The following MALRD1 variants were observed in gnomAD, a reference collection of about 807,000 sequenced individuals.
MALRD1 encodes the protein MAM and LDL-receptor class A domain-containing protein 1.
Under a neutral mutation model 242.1 loss-of-function variants are expected in MALRD1, and 247 were observed. The observed-to-expected ratio is 1.02, with a 90% confidence interval of 0.92 to 1.13. The LOEUF (loss-of-function observed/expected upper bound fraction) is 1.13, where lower values mean the gene tolerates loss of function less well. MALRD1 is among the 50% of genes most tolerant of loss of function. MALRD1 has a pLI of 0.00. For missense variants in MALRD1, 2,989 were observed against 2,533.1 expected (o/e 1.18, Z -3.86); for synonymous variants, 995 against 866.6 (o/e 1.15, Z -2.60).
intron 18 of MALRD1, among the ~76,000 whole-genome samples, chr10:19,228,359 G>A (rs565997847): frequency 3.9e-5 from 6 of 152,282 alleles, no homozygotes; most frequent in African/African-American, 1.2e-4. Flanking sequence ...AGAAACAGAA[G>A]CAGATTAGTG....
rs1014784961 is a variant in MALRD1 at position 19,485,660 on chromosome 10, T to A, written c.5030-5857T>A. Among the ~76,000 whole-genome samples the A allele has an allele frequency of 3.1e-3, 395 of 125,726 alleles. 3 individuals carry two copies. The highest frequency in any genetic ancestry group is 0.011 in the African/African-American group (363 of 34,282). 82.5% of individuals were successfully genotyped at this position (125,726 alleles called of 152,430 possible). ...TCCGTCTCAATTAAAAAAAAAAAAA[T>A]AGTAATAATAATAAAATAGATCAGT... On this transcript the variant is annotated intron_variant, in intron 29 of 39. Transcript: ENST00000454679.
intron 14 of MALRD1, among the ~76,000 whole-genome samples, chr10:19,196,582 T>A (rs10827044): frequency 0.17 from 25,071 of 151,020 alleles, 2,274 homozygotes; most frequent in Non-Finnish European, 0.2. Flanking sequence ...TTTTTGTCAC[T>A]TAGATAATTT....
intron 19 of MALRD1, among the ~76,000 whole-genome samples, chr10:19,264,732 C>T (rs1839905560): frequency 6.6e-6 from 1 of 152,134 alleles, no homozygotes; most frequent in Non-Finnish European, 1.5e-5. Context: ...GGATTACAGG[C>T]GTGAGCCACC....
In MALRD1 at chr10:19,363,183, C is replaced by T. The variant is rs896472912; in HGVS notation, c.4441+10886C>T. 3.3e-5 allele frequency among the ~76,000 whole-genome samples: 5 copies of T among 151,966 alleles called. No individual in the cohort carries two copies. The East Asian group carries it at 9.6e-4, about 29-fold the overall frequency. On this transcript the variant is annotated intron_variant, in intron 26 of 39. Transcript: ENST00000454679. ...GAGTTGTCAGAATTAAAGTCATATG[C>T]ATATAAAATCATCAAAGAATGAATA...
intron 38 of MALRD1, among the ~76,000 whole-genome samples, chr10:19,712,993 T>G (rs1834209951): frequency 6.6e-6 from 1 of 152,060 alleles, no homozygotes; most frequent in Admixed American, 6.6e-5. Context: ...TCCATTATAC[T>G]CCAATGTTTT....
chr10:19,206,207 T>C (rs563027612), intron 17 of MALRD1, among the ~76,000 whole-genome samples: 1 of 152,176 alleles, frequency 6.6e-6, no homozygotes, highest in East Asian at 1.9e-4. Context: ...TACTACATCA[T>C]AGAAAACATT....
chr10:19,636,223 T>C (rs1367813149), intron 36 of MALRD1, among the ~76,000 whole-genome samples: 1 of 152,106 alleles, frequency 6.6e-6, no homozygotes, highest in African/African-American at 2.4e-5. Flanking sequence ...CAAACTAGAA[T>C]TTCATACCCA....
At chr10:19,137,621 A>C (rs10826988) in intron 10 of MALRD1, among the ~76,000 whole-genome samples, 47,480 of 148,112 alleles carry the variant, frequency 0.32, 8,149 homozygotes, top group South Asian at 0.6. Context: ...AAAAAAAAAA[A>C]AAAAAAAAAA....
At chr10:19,113,996 G>A (rs1836784152) in intron 5 of MALRD1, among the ~76,000 whole-genome samples, 1 of 152,124 alleles carries the variant, frequency 6.6e-6, no homozygotes, top group Admixed American at 6.5e-5. Context: ...AACATGTGCA[G>A]TTATTCAAAT....
chr10:19,369,503 C>T (rs931105759), intron 26 of MALRD1, among the ~76,000 whole-genome samples: 28 of 146,896 alleles, frequency 1.9e-4, no homozygotes, highest in Admixed American at 3.4e-4. Context: ...TCATTGTGTG[C>T]GTTTATATAT....
chr10:19,237,347 A>G (rs1443338909), intron 18 of MALRD1, among the ~76,000 whole-genome samples: 1 of 144,758 alleles, frequency 6.9e-6, no homozygotes, highest in East Asian at 2.0e-4. Context: ...CTCTATTAAC[A>G]TTTTTTTTTT....
intron 31 of MALRD1, among the ~76,000 whole-genome samples, chr10:19,501,916 C>G (rs1837990145): frequency 6.6e-6 from 1 of 150,896 alleles, no homozygotes; most frequent in African/African-American, 2.4e-5. Flanking sequence ...GTTGTCCCCA[C>G]TACTCGGGAG....
chr10:19,140,857 G>A (rs977041336), intron 10 of MALRD1, among the ~76,000 whole-genome samples: 3 of 152,032 alleles, frequency 2.0e-5, no homozygotes, highest in African/African-American at 7.2e-5. Context: ...TAAGTTCTGG[G>A]AGTCTAGTGT....
intron 35 of MALRD1, among the ~76,000 whole-genome samples, chr10:19,614,274 C>T (rs971450267): frequency 1.3e-5 from 2 of 152,000 alleles, no homozygotes; most frequent in African/African-American, 2.4e-5. Context: ...AACTGGGCTC[C>T]TGTGCCCTCA....
At chr10:19,440,947 T>C (rs556944718) in intron 28 of MALRD1, among the ~76,000 whole-genome samples, 2 of 152,042 alleles carry the variant, frequency 1.3e-5, no homozygotes, top group Non-Finnish European at 2.9e-5. Context: ...TGAACTAGTT[T>C]ACAGTCCCAC....
At position 19,559,201 on chromosome 10, in the gene MALRD1, G is replaced by A. The variant is rs140192610; in HGVS notation, c.5479-8301G>A. 2.8e-3 allele frequency among the ~76,000 whole-genome samples: 426 copies of A among 151,614 alleles called. 4 individuals carry two copies. The highest frequency in any genetic ancestry group is 0.01 in the Middle Eastern group (3 of 292). ...CTGTCTCAATAATAATAATAATAATGATGATAATAATATTTTTCATTACCC... is the reference window on the plus strand; with the variant it reads ...CTGTCTCAATAATAATAATAATAATAATGATAATAATATTTTTCATTACCC... On this transcript the variant is annotated intron_variant, in intron 32 of 39. Coordinates refer to ENST00000454679, the MANE Select transcript of MALRD1 (RefSeq NM_001142308.3).
intron 36 of MALRD1, chr10:19,633,650 C>A (rs1449972454): frequency 6.6e-6 from 1 of 151,962 alleles, no homozygotes; most frequent in Non-Finnish European, 1.5e-5. Flanking sequence ...TCCAAAAAGC[C>A]TTGTGAAAAA....
chr10:19,429,542 C>T (rs1053257623), intron 28 of MALRD1, among the ~76,000 whole-genome samples: 8 of 152,058 alleles, frequency 5.3e-5, no homozygotes, highest in African/African-American at 1.9e-4. Context: ...CCAGCCTGGG[C>T]AACAGAGTGA....
chr10:19,669,823 T>G (rs1841832847), intron 36 of MALRD1, among the ~76,000 whole-genome samples: 1 of 152,134 alleles, frequency 6.6e-6, no homozygotes, highest in Non-Finnish European at 1.5e-5. Context: ...AGAGGCTGCT[T>G]GGAGGCAGTG....
Sources: gnomAD v4.1 joint callset for allele counts (sites outside exome capture counted in the v4.1 genomes callset) on GRCh38, gnomAD v4.1.1 for gene constraint, MANE v1.5 for transcripts, NCBI Gene and HGNC (gene_info 2026-07-23, HGNC 2026-07-21) for gene names.